The following NTM variants were observed in gnomAD, a reference collection of about 807,000 sequenced individuals.
The protein encoded by NTM is IgLON family member 2.
A neutral mutation model predicts 42.1 loss-of-function variants in NTM; 13 were observed. The observed-to-expected ratio is 0.31, with a 90% confidence interval of 0.20 to 0.49. The LOEUF (loss-of-function observed/expected upper bound fraction) is 0.49. NTM is among the 20% of genes least tolerant of loss of function. The probability of loss-of-function intolerance (pLI) is 0.99; values close to 1 mark genes in which losing one functional copy is unlikely to be tolerated. For synonymous variants in NTM, 187 were observed against 179.2 expected (o/e 1.04, Z -0.35); for missense variants, 373 against 452.8 (o/e 0.82, Z 1.60).
intron 1 of NTM, among the ~76,000 whole-genome samples, chr11:131,539,895 A>AACTCATCTCTGTTTGTGCCCAAG (rs1242881154): frequency 2.0e-5 from 3 of 152,018 alleles, no homozygotes; most frequent in Non-Finnish European, 4.4e-5. Flanking sequence ...CCATGGGAAA[A>AACTCATCTCTGTTTGTGCCCAAG]ACTCATCTCT....
intron 2 of NTM, among the ~76,000 whole-genome samples, chr11:132,144,521 G>A (rs2069910189): frequency 6.6e-6 from 1 of 152,176 alleles, no homozygotes; most frequent in Non-Finnish European, 1.5e-5. Context: ...AATGATATAA[G>A]TTGTCCTAGA....
chr11:132,244,982 G>A (rs2090863206), intron 4 of NTM, among the ~76,000 whole-genome samples: 2 of 152,252 alleles, frequency 1.3e-5, no homozygotes, highest in South Asian at 2.1e-4. Context: ...CTCAGCTGGT[G>A]TAATCTGCGG....
intron 4 of NTM, among the ~76,000 whole-genome samples, chr11:132,236,664 G>A (rs2088985981): frequency 6.6e-6 from 1 of 152,190 alleles, no homozygotes. Flanking sequence ...TCAGAGGCAG[G>A]GAAACCATAG....
At chr11:132,172,647 C>CA (rs2076272399) in intron 3 of NTM, among the ~76,000 whole-genome samples, 1 of 152,174 alleles carries the variant, frequency 6.6e-6, no homozygotes, top group Non-Finnish European at 1.5e-5. Context: ...TGTAGCCTCA[C>CA]AAGATATATA....
chr11:132,048,908 G>A (rs2135892251), intron 2 of NTM, among the ~76,000 whole-genome samples: 1 of 150,502 alleles, frequency 6.6e-6, no homozygotes, highest in South Asian at 2.1e-4. Flanking sequence ...CTGGATCGGG[G>A]CTTCTGAAGA....
chr11:131,526,473 A>G (rs1185691946), intron 1 of NTM, among the ~76,000 whole-genome samples: 1 of 152,238 alleles, frequency 6.6e-6, no homozygotes, highest in Non-Finnish European at 1.5e-5. Flanking sequence ...GTAAAGGAAG[A>G]GGAAAAGGAG....
At chr11:131,939,662 T>C (rs1753755908) in intron 2 of NTM, among the ~76,000 whole-genome samples, 1 of 152,160 alleles carries the variant, frequency 6.6e-6, no homozygotes, top group Non-Finnish European at 1.5e-5. Flanking sequence ...TGTAAATCTT[T>C]CTTCTCTTAA....
intron 2 of NTM, among the ~76,000 whole-genome samples, chr11:131,951,843 A>G (rs986623463): frequency 5.1e-5 from 7 of 135,964 alleles, no homozygotes; most frequent in Non-Finnish European, 7.9e-5. Context: ...AAAAAAAAAA[A>G]GCCCAACGTC....
At chr11:131,553,701 G>A (rs1379670314) in intron 1 of NTM, among the ~76,000 whole-genome samples, 2 of 152,156 alleles carry the variant, frequency 1.3e-5, no homozygotes, top group East Asian at 1.9e-4. Flanking sequence ...TGTTATTGGT[G>A]GTGTTTCTAC....
intron 2 of NTM, among the ~76,000 whole-genome samples, chr11:131,968,206 C>G (rs73031505): frequency 0.012 from 1,834 of 152,238 alleles, 18 homozygotes; most frequent in Non-Finnish European, 0.017. Context: ...AAACAAAAAA[C>G]TAAGACGTAA....
intron 1 of NTM, among the ~76,000 whole-genome samples, chr11:131,869,760 C>G (rs772763245): frequency 1.3e-5 from 2 of 152,172 alleles, no homozygotes; most frequent in Non-Finnish European, 2.9e-5. Context: ...CCTTCCTCAT[C>G]TAAGATAGCT....
chr11:131,632,673 C>T (rs371941537), intron 1 of NTM, among the ~76,000 whole-genome samples: 9 of 83,092 alleles, frequency 1.1e-4, no homozygotes, highest in Admixed American at 1.8e-4. Context: ...GCTCGGGCAG[C>T]TTTTTTTTTT....
chr11:132,290,520 T>A (rs1239825193), intron 4 of NTM, among the ~76,000 whole-genome samples: 2 of 152,232 alleles, frequency 1.3e-5, no homozygotes, highest in African/African-American at 4.8e-5. Context: ...CATAAAAGCA[T>A]AGATGAAGAA....
At chr11:131,492,516 G>C (rs2136303197) in intron 1 of NTM, among the ~76,000 whole-genome samples, 1 of 152,256 alleles carries the variant, frequency 6.6e-6, no homozygotes, top group Non-Finnish European at 1.5e-5. Context: ...AGAGAAACAA[G>C]TCCTGGTGGT....
chr11:132,136,606 G>C (rs1184411148), intron 2 of NTM, among the ~76,000 whole-genome samples: 2 of 152,214 alleles, frequency 1.3e-5, no homozygotes, highest in Admixed American at 1.3e-4. Flanking sequence ...TGGACAGGCA[G>C]TCTGCCTGCT....
chr11:131,705,005 A>G lies in NTM; in HGVS notation c.83-206559A>G, dbSNP rs563960821. On this transcript the variant is annotated intron_variant, in intron 1 of 8. Transcript: ENST00000683400. ...GGACACAATCAAGGAACCAATATAC[A>G]CATTATAGGAGTTTAAGAAGGATCA... Among the ~76,000 whole-genome samples the G allele has an allele frequency of 5.9e-5, 9 of 152,274 alleles. No individual in the cohort carries two copies. The South Asian group carries it at 1.7e-3, about 28-fold the overall frequency.
At chr11:131,871,827 G>A (rs1449888766) in intron 1 of NTM, among the ~76,000 whole-genome samples, 1 of 152,108 alleles carries the variant, frequency 6.6e-6, no homozygotes, top group Non-Finnish European at 1.5e-5. Context: ...GGTCCCCTAG[G>A]TCTTTCCTTT....
intron 2 of NTM, among the ~76,000 whole-genome samples, chr11:131,960,731 G>T (rs369914705): frequency 6.6e-6 from 1 of 152,162 alleles, no homozygotes; most frequent in African/African-American, 2.4e-5. Context: ...GATCCATCCT[G>T]TTCCCTTCCA....
intron 8 of NTM, among the ~76,000 whole-genome samples, chr11:132,334,303 A>T (rs999315663): frequency 1.3e-5 from 2 of 152,230 alleles, no homozygotes; most frequent in African/African-American, 4.8e-5. Flanking sequence ...ACACTGGGGC[A>T]GGTTCTGCAT....
Sources: allele counts gnomAD v4.1 joint callset (sites outside exome capture counted in the v4.1 genomes callset), GRCh38; gene constraint gnomAD v4.1.1; transcripts MANE v1.5; gene names NCBI Gene and HGNC (gene_info 2026-07-23, HGNC 2026-07-21).